Variants in ALG6 observed in about 807,000 individuals in gnomAD.
The protein encoded by ALG6 is ALG6 alpha-1,3-glucosyltransferase, also known as dolichyl pyrophosphate Man9GlcNAc2 alpha-1,3-glucosyltransferase.
A neutral mutation model predicts 66.6 loss-of-function variants in ALG6; 46 were observed. The ratio of observed to expected loss-of-function variants is 0.69; its 90% CI spans 0.55 to 0.88. The LOEUF (loss-of-function observed/expected upper bound fraction) is 0.88, where lower values mean the gene tolerates loss of function less well. Among genes scored for constraint, ALG6 ranks in the 40% least tolerant of loss-of-function variants. The pLI is 0.00. For missense variants in ALG6, 505 were observed against 586.8 expected (o/e 0.86, Z 1.44); for synonymous variants, 185 against 203.7 (o/e 0.91, Z 0.78).
chr1:63,434,639 C>T lies in ALG6; in HGVS notation c.1327-2184C>T, dbSNP rs148831003. 3.9e-3 allele frequency among the ~76,000 whole-genome samples: 601 copies of T among 152,232 alleles called. 4 individuals are homozygous for T. Among genetic ancestry groups the T allele is most frequent in the African/African-American group, 0.013 (549 of 41,546 alleles). On this transcript the variant is annotated intron_variant, in intron 14 of 14. Coordinates refer to ENST00000263440, the MANE Select transcript of ALG6 (RefSeq NM_013339.4). ...ATATTTTTAAAAACTCATCAGCTAT[C>T]GTTAGTGTTGGTGTATTTTATGTGT... is the stretch of plus-strand genomic sequence containing the variant.
At chr1:63,373,633 T>A (rs1334656575) in intron 2 of ALG6, among the ~76,000 whole-genome samples, 1 of 150,804 alleles carries the variant, frequency 6.6e-6, no homozygotes, top group African/African-American at 2.4e-5. Context: ...GGGCTATTTT[T>A]ATTTTTCAAT....
intron 7 of ALG6, 30 bp from the exon 8 acceptor site, chr1:63,411,116 A>G: frequency 6.2e-7 from 1 of 1,610,604 alleles, no homozygotes; most frequent in Non-Finnish European, 8.5e-7. Flanking sequence ...TTAAAAGATT[A>G]TTGAGATAAT....
intron 1 of ALG6, among the ~76,000 whole-genome samples, chr1:63,370,115 G>A (rs999143904): frequency 6.6e-6 from 1 of 151,496 alleles, no homozygotes; most frequent in African/African-American, 2.4e-5. Flanking sequence ...ACCGCAACCG[G>A]CATCAATTTG....
At chr1:63,396,703 C>A in intron 3 of ALG6, 106 bp downstream of exon 3, 1 of 974,414 alleles carries the variant, frequency 1.0e-6, no homozygotes, top group Admixed American at 2.0e-5. Context: ...ACATCCTCAT[C>A]TCTTGCATGC....
At chr1:63,383,011 C>G (rs1273350629) in intron 2 of ALG6, among the ~76,000 whole-genome samples, 1 of 151,880 alleles carries the variant, frequency 6.6e-6, no homozygotes, top group Non-Finnish European at 1.5e-5. Flanking sequence ...CGGGGTTTTA[C>G]CATGTTGGCC....
Position 63,396,513 on chromosome 1 carries a change from G to T in ALG6, c.83G>T (p.Gly28Val). Residue 28 changes from glycine to valine, a missense_variant and splice_region_variant, in exon 3 of 15, where the codon GGT (glycine) becomes GTT (valine). Transcript: ENST00000263440. ...RWTVSLNSYSGAGKPPMFGDY... is the reference protein window; with the variant it reads ...RWTVSLNSYSVAGKPPMFGDY... Reference sequence around the variant, plus strand: ...TTGCTCTTTTTACCTTTGATCTTAGGTGCTGGTAAACCGCCTATGTTTGGT... The same window carrying T: ...TTGCTCTTTTTACCTTTGATCTTAGTTGCTGGTAAACCGCCTATGTTTGGT... 6.2e-7 allele frequency: 1 copy of T among 1,613,562 alleles called. No individual in the cohort carries two copies. The highest frequency in any genetic ancestry group is 8.5e-7 in the Non-Finnish European group (1 of 1,179,636).
rs1570069885 is a variant in ALG6 at position 63,411,349 on chromosome 1, A to G, written c.680+18A>G. 2 of 1,607,410 alleles carry G rather than the reference A, an allele frequency of 1.2e-6. No individual in the cohort carries two copies. Among genetic ancestry groups the G allele is most frequent in the East Asian group, 2.2e-5 (1 of 44,764 alleles). On this transcript the variant is annotated intron_variant, in intron 8 of 14. Coordinates refer to ENST00000263440, the MANE Select transcript of ALG6 (RefSeq NM_013339.4). The stretch of plus-strand genomic sequence containing the variant: ...GGAAAGGGGTGAGTGACTTTTAAAC[A>G]CTAGAATCCAAAAATTTACTTCAGA...
intron 1 of ALG6, among the ~76,000 whole-genome samples, chr1:63,370,384 T>A (rs1248414626): frequency 6.6e-6 from 1 of 152,206 alleles, no homozygotes; most frequent in East Asian, 1.9e-4. Context: ...AAGATTCCTC[T>A]TTCTCGCTGT....
At position 63,433,715 on chromosome 1, in the gene ALG6, A is replaced by G. The variant is rs762485098; in HGVS notation, c.1327-3108A>G. Among the ~76,000 whole-genome samples the G allele has an allele frequency of 4.6e-5, 7 of 152,164 alleles. No homozygotes were observed. The highest frequency in any genetic ancestry group is 1.0e-4 in the Non-Finnish European group (7 of 68,040). ...CTTTAATAGTTTTTGAGCACTTACTATATGCAAGCATTGTTCTGGAGGCTG... is the reference window on the plus strand; with the variant it reads ...CTTTAATAGTTTTTGAGCACTTACTGTATGCAAGCATTGTTCTGGAGGCTG... On this transcript the variant is annotated intron_variant, in intron 14 of 14. Coordinates refer to ENST00000263440, the MANE Select transcript of ALG6 (RefSeq NM_013339.4). The surrounding 1 kb of genome is among the most constrained non-coding windows in gnomAD (Gnocchi z 4.2).
At chr1:63,417,368 T>A (rs1222165199) in intron 11 of ALG6, among the ~76,000 whole-genome samples, 3 of 152,228 alleles carry the variant, frequency 2.0e-5, no homozygotes, top group African/African-American at 7.2e-5. Flanking sequence ...AAAAAACATT[T>A]TCTTTTTCTT....
chr1:63,382,241 G>A (rs554422013), intron 2 of ALG6, among the ~76,000 whole-genome samples: 52 of 150,322 alleles, frequency 3.5e-4, no homozygotes, highest in East Asian at 7.8e-4. Flanking sequence ...TTGCTGTGTC[G>A]CCCAGAGTGG....
rs1306966494 is a variant in ALG6, at chr1:63,412,051, G to A, written c.806G>A (p.Gly269Glu). The change falls in exon 9 of 15, where the codon GGA becomes GAA. Residue 269 changes from glycine (G) to glutamate (E), a missense_variant. Transcript: ENST00000263440. ...VLRRLFPVDR[G>E]LFEDKVANIW... Reference sequence around the variant, plus strand: ...AGAAGACTCTTCCCGGTTGATCGTGGATTATTTGAGGCATGTTTAAACACT... The same window carrying A: ...AGAAGACTCTTCCCGGTTGATCGTGAATTATTTGAGGCATGTTTAAACACT... The A allele has an allele frequency of 6.2e-6, 10 of 1,614,076 alleles. No individual in the cohort carries two copies. Among genetic ancestry groups the A allele is most frequent in the Non-Finnish European group, 8.5e-6 (10 of 1,179,976 alleles).
intron 2 of ALG6, among the ~76,000 whole-genome samples, chr1:63,374,415 G>A (rs1239711393): frequency 4.6e-5 from 7 of 152,172 alleles, no homozygotes; most frequent in Non-Finnish European, 8.8e-5. Flanking sequence ...ATCACATGAG[G>A]TCAGGAGTTC....
intron 2 of ALG6, among the ~76,000 whole-genome samples, chr1:63,381,860 A>T (rs1408946272): frequency 6.6e-6 from 1 of 152,044 alleles, no homozygotes; most frequent in East Asian, 1.9e-4. Flanking sequence ...TGGTATCCTA[A>T]TTTGTATTGT....
Position 63,373,549 on chromosome 1 carries a change from C to T in ALG6, c.82+2490C>T, listed in dbSNP as rs182277747. Among the ~76,000 whole-genome samples the T allele has an allele frequency of 9.7e-3, 1,462 of 150,764 alleles. 6 individuals are homozygous for T. The highest frequency in any genetic ancestry group is 0.015 in the Non-Finnish European group (1,002 of 67,792). ...GATGGAGGTTGCAGTGAGCCAAGAT[C>T]ATCCCATTACACTTTAGCCTGGGCG... On this transcript the variant is annotated intron_variant, in intron 2 of 14. Coordinates refer to ENST00000263440, the MANE Select transcript of ALG6 (RefSeq NM_013339.4).
At chr1:63,389,623 T>A (rs1648609017) in intron 2 of ALG6, among the ~76,000 whole-genome samples, 1 of 152,190 alleles carries the variant, frequency 6.6e-6, no homozygotes, top group Non-Finnish European at 1.5e-5. Context: ...TTCTGGATGG[T>A]CTTAATGCTT....
intron 7 of ALG6, among the ~76,000 whole-genome samples, chr1:63,409,385 T>A (rs1347760331): frequency 6.6e-6 from 1 of 152,184 alleles, no homozygotes; most frequent in Non-Finnish European, 1.5e-5. Context: ...TGTTCTTCTG[T>A]TCTGCTAAAT....
intron 2 of ALG6, among the ~76,000 whole-genome samples, chr1:63,371,904 G>A (rs1647938910): frequency 6.6e-6 from 1 of 152,154 alleles, no homozygotes; most frequent in Non-Finnish European, 1.5e-5. Context: ...CACCCAGCTA[G>A]AGGGCCCACA....
At position 63,429,132 on chromosome 1, in the gene ALG6, T is replaced by A. The variant is rs765364882; in HGVS notation, c.1326+6T>A. On this transcript the variant is annotated splice_donor_region_variant and intron_variant, in intron 14 of 14. Transcript: ENST00000263440. ...CCAGAATTATACAATATTTGGTAAG[T>A]TCAATTTTTAAGAAATGACACATTT... is the stretch of plus-strand genomic sequence containing the variant. 5.7e-6 allele frequency: 9 copies of A among 1,576,368 alleles called. No individual in the cohort carries two copies. The South Asian group carries it at 1.0e-4, about 18-fold the overall frequency.
Sources: gnomAD v4.1 joint callset for allele counts (sites outside exome capture counted in the v4.1 genomes callset) on GRCh38, gnomAD v4.1.1 for gene constraint, Gnocchi (gnomAD v3.1) non-coding constraint, MANE v1.5 for transcripts, NCBI Gene and HGNC (gene_info 2026-07-23, HGNC 2026-07-21) for gene names.